IQANK1: variants seen among roughly 807,000 people sequenced by gnomAD.
IQANK1 encodes IQ motif and ankyrin repeat containing 1.
Under a neutral mutation model 22.6 loss-of-function variants are expected in IQANK1, and 30 were observed. The observed-to-expected ratio is 1.33, with a 90% CI of 0.99 to 1.80. IQANK1 has a LOEUF of 1.80. Among genes scored for constraint, IQANK1 ranks in the 40% most tolerant of loss-of-function variants. IQANK1 has a pLI of 0.00. For synonymous variants in IQANK1, 122 were observed against 99.6 expected, an observed-to-expected ratio of 1.23 and a Z score of -1.34; for missense variants, 275 against 235.2, an observed-to-expected ratio of 1.17 and a Z score of -1.11.
chr8:143,754,945 C>T (rs543731778), intron 3 of IQANK1, among the ~76,000 whole-genome samples: 36 of 152,120 alleles, frequency 2.4e-4, no homozygotes, highest in Non-Finnish European at 4.3e-4. Context: ...TCTTCTGTAA[C>T]GTAACTACAG....
chr8:143,783,045 T>C lies in IQANK1; in HGVS notation c.790-5870T>C, dbSNP rs555507382. 1.6e-4 allele frequency among the ~76,000 whole-genome samples: 24 copies of C among 152,348 alleles called. No homozygotes were observed. The South Asian group carries it at 4.6e-3, about 29-fold the overall frequency. Reference sequence around the variant, plus strand: ...TTCATTGTTATGGAGACTTTAATTATATAAATGTCTGCAATATATTTACCA... The same window carrying C: ...TTCATTGTTATGGAGACTTTAATTACATAAATGTCTGCAATATATTTACCA... On this transcript the variant is annotated intron_variant, in intron 7 of 13. Transcript: ENST00000527139.
At chr8:143,734,751 A>T (rs1554625402) in intron 1 of IQANK1, among the ~76,000 whole-genome samples, 1 of 151,970 alleles carries the variant, frequency 6.6e-6, no homozygotes. Context: ...AACCCTGTGT[A>T]CACACAGGGA....
At chr8:143,739,532 GGCCAGCAGGCGGCACT>G in intron 2 of IQANK1, 1 of 281,536 alleles carries the variant, frequency 3.6e-6, no homozygotes. Flanking sequence ...GGTGGGGCAG[GGCCAGCAGGCGGCACT>G]GCCAGCCCAC....
intron 7 of IQANK1, among the ~76,000 whole-genome samples, chr8:143,785,257 T>C (rs1554631233): frequency 1.4e-5 from 2 of 144,072 alleles, no homozygotes; most frequent in East Asian, 2.0e-4. Context: ...CTGTATCTTT[T>C]TTTTTTTTTT....
At chr8:143,752,263 G>A (rs1819211836) in intron 3 of IQANK1, among the ~76,000 whole-genome samples, 1 of 152,160 alleles carries the variant, frequency 6.6e-6, no homozygotes, top group Non-Finnish European at 1.5e-5. Flanking sequence ...ACCACACCCA[G>A]CCTTTCTTTT....
At position 143,771,418 on chromosome 8, in the gene IQANK1, C is replaced by T. The variant is rs1002280275; in HGVS notation, c.176-70C>T. 1.0e-5 allele frequency: 4 copies of T among 395,188 alleles called. No individual in the cohort carries two copies. The highest frequency in any genetic ancestry group is 2.1e-5 in the African/African-American group (1 of 48,420). The allele number at this position is 395,188 out of a possible 1,614,324, so 24.5% of individuals were successfully genotyped here. ...GGCGGGGGCGGGGGCGGGGCCGGCT[C>T]CACTCCCAGGGGCGCAGCAGGCGTG... On this transcript the variant is annotated intron_variant, in intron 3 of 13. Transcript: ENST00000527139. The surrounding 1 kb of genome is among the most constrained non-coding windows in gnomAD (Gnocchi z 6.0).
chr8:143,787,791 C>A (rs755442855), intron 7 of IQANK1, among the ~76,000 whole-genome samples: 4 of 152,178 alleles, frequency 2.6e-5, no homozygotes, highest in Non-Finnish European at 4.4e-5. Flanking sequence ...TCCCACGCCA[C>A]AAACCCCTTG....
intron 7 of IQANK1, among the ~76,000 whole-genome samples, chr8:143,779,661 C>T (rs1216677808): frequency 3.9e-5 from 6 of 152,100 alleles, no homozygotes; most frequent in Non-Finnish European, 5.9e-5. Context: ...ATTCATTTTC[C>T]GTCTACTCCA....
chr8:143,779,552 T>C (rs2129933775), intron 7 of IQANK1, among the ~76,000 whole-genome samples: 1 of 136,674 alleles, frequency 7.3e-6, no homozygotes, highest in Non-Finnish European at 1.7e-5. Flanking sequence ...TCTCTTATAG[T>C]TTAATTCATT....
chr8:143,765,390 T>TAA (rs1284259002), intron 3 of IQANK1, among the ~76,000 whole-genome samples: 1 of 152,102 alleles, frequency 6.6e-6, no homozygotes, highest in African/African-American at 2.4e-5. Flanking sequence ...TGATTATATA[T>TAA]AATCCTCTCA....
intron 7 of IQANK1, among the ~76,000 whole-genome samples, chr8:143,788,451 C>T (rs893718223): frequency 1.3e-5 from 2 of 152,224 alleles, no homozygotes; most frequent in Non-Finnish European, 2.9e-5. Context: ...GAGGCAGCGG[C>T]GGCCCCAGGG....
intron 7 of IQANK1, among the ~76,000 whole-genome samples, chr8:143,788,111 GA>G (rs1819929105): frequency 6.6e-6 from 1 of 152,196 alleles, no homozygotes; most frequent in African/African-American, 2.4e-5. Flanking sequence ...AGCTATTAGG[GA>G]GCTGGCCACA....
At chr8:143,776,874 G>A (rs1223783985) in intron 7 of IQANK1, among the ~76,000 whole-genome samples, 2 of 152,130 alleles carry the variant, frequency 1.3e-5, no homozygotes, top group Non-Finnish European at 2.9e-5. Context: ...GTCAGCCAGG[G>A]TGAAAAATCT....
chr8:143,763,794 C>G (rs1233808584), intron 3 of IQANK1, among the ~76,000 whole-genome samples: 1 of 152,204 alleles, frequency 6.6e-6, no homozygotes, highest in Non-Finnish European at 1.5e-5. Flanking sequence ...TCAGGTGTTC[C>G]TCTGTGGCAA....
intron 1 of IQANK1, among the ~76,000 whole-genome samples, chr8:143,734,626 C>T (rs1249117607): frequency 6.6e-6 from 1 of 151,914 alleles, no homozygotes; most frequent in African/African-American, 2.4e-5. Flanking sequence ...GACATCCGCA[C>T]ACCTAGGGAA....
At chr8:143,743,726 A>G (rs1481202909) in intron 3 of IQANK1, 3 of 327,400 alleles carry the variant, frequency 9.2e-6, no homozygotes, top group East Asian at 1.0e-4. Flanking sequence ...CACAGTGCAT[A>G]TTTAAAAAAT....
At chr8:143,737,937 C>T (rs1212680421) in intron 2 of IQANK1, among the ~76,000 whole-genome samples, 2 of 152,228 alleles carry the variant, frequency 1.3e-5, no homozygotes, top group African/African-American at 4.8e-5. Flanking sequence ...GGGTCCCCTG[C>T]TCCACAGCCT....
chr8:143,787,409 C>T (rs2129955559), intron 7 of IQANK1, among the ~76,000 whole-genome samples: 1 of 152,018 alleles, frequency 6.6e-6, no homozygotes, highest in African/African-American at 2.4e-5. Flanking sequence ...GACCTGCAGG[C>T]CCCCTACACT....
chr8:143,767,039 A>G (rs1202927448), intron 3 of IQANK1, among the ~76,000 whole-genome samples: 1 of 152,280 alleles, frequency 6.6e-6, no homozygotes, highest in African/African-American at 2.4e-5. Context: ...GTGTGAGAAC[A>G]TCGCACTGTC....
Sources: gnomAD v4.1 joint callset for allele counts (sites outside exome capture counted in the v4.1 genomes callset) on GRCh38, gnomAD v4.1.1 for gene constraint, Gnocchi (gnomAD v3.1) non-coding constraint, MANE v1.5 for transcripts, NCBI Gene and HGNC (gene_info 2026-07-23, HGNC 2026-07-21) for gene names.